Variants in IQSEC3 observed in about 807,000 individuals in gnomAD.
IQSEC3 encodes the protein IQ motif and SEC7 domain-containing protein 3.
IQSEC3 carries 50 observed loss-of-function variants against 105.4 expected under a neutral mutation model. The ratio of observed to expected loss-of-function variants is 0.47; its 90% CI spans 0.38 to 0.60. The LOEUF is 0.60. Among genes scored for constraint, IQSEC3 ranks in the 20% least tolerant of loss-of-function variants. The pLI, the probability that IQSEC3 is intolerant of heterozygous loss-of-function variation, is 0.00. For missense variants in IQSEC3, 1,415 were observed against 1,630.0 expected, an observed-to-expected ratio of 0.87 and a Z score of 2.27; for synonymous variants, 708 against 746.0, an observed-to-expected ratio of 0.95 and a Z score of 0.83.
intron 1 of IQSEC3, among the ~76,000 whole-genome samples, chr12:67,704 G>C (rs1309952077): frequency 7.1e-6 from 1 of 141,468 alleles, no homozygotes; most frequent in East Asian, 1.9e-4. Context: ...TAAGCGATTG[G>C]TGATACTGGG....
At chr12:74,708 CT>C (rs1407089080) in intron 1 of IQSEC3, among the ~76,000 whole-genome samples, 3 of 152,262 alleles carry the variant, frequency 2.0e-5, no homozygotes, top group African/African-American at 7.2e-5. Context: ...GGGCTAGAGG[CT>C]TTTAGGAGCT....
At chr12:89,618 T>A (rs1864020224) in intron 1 of IQSEC3, among the ~76,000 whole-genome samples, 1 of 142,032 alleles carries the variant, frequency 7.0e-6, no homozygotes, top group Admixed American at 7.1e-5. Flanking sequence ...CATCCCTTCC[T>A]TCCTGCATTG....
chr12:78,923 T>C (rs532761036), intron 1 of IQSEC3, among the ~76,000 whole-genome samples: 22 of 152,102 alleles, frequency 1.4e-4, no homozygotes, highest in Non-Finnish European at 3.1e-4. Context: ...CCCCCCACCC[T>C]GACCCCGGCA....
chr12:138,720 G>C lies in IQSEC3; in HGVS notation c.1357G>C (p.Gly453Arg). ...AAGPPGLEAE[G>R]RAPESAGPGP... ...GGGGCCCCCAGGCCTGGAGGCCGAG[G>C]GGCGGGCGCCGGAGAGCGCGGGCCC... is the stretch of plus-strand genomic sequence containing the variant. Residue 453 changes from glycine (G) to arginine (R), a missense_variant, in exon 4 of 14, where the codon GGG (glycine) becomes CGG (arginine). Transcript: ENST00000538872. The surrounding 1 kb of genome is among the most constrained non-coding windows in gnomAD (Gnocchi z 7.1). 6.7e-7 allele frequency: 1 copy of C among 1,501,952 alleles called. No homozygotes were observed. Among genetic ancestry groups the C allele is most frequent in the Non-Finnish European group, 8.8e-7 (1 of 1,131,394 alleles). The allele number at this position is 1,501,952 out of a possible 1,614,324, so 93.0% of individuals were successfully genotyped here.
intron 2 of IQSEC3, among the ~76,000 whole-genome samples, chr12:111,082 G>A (rs999746981): frequency 2.6e-5 from 4 of 152,202 alleles, no homozygotes; most frequent in Non-Finnish European, 4.4e-5. Flanking sequence ...GGGGGCAAGC[G>A]TGTTAGGGGA....
chr12:76,811 G>A lies in IQSEC3; in HGVS notation c.554+9375G>A, dbSNP rs7974000. On this transcript the variant is annotated intron_variant, in intron 1 of 13. Coordinates refer to ENST00000538872, the MANE Select transcript of IQSEC3 (RefSeq NM_001170738.2). ...GGCCAGACACACACAAAGCTGTAGTGTGATTTTCCCTGCAGGATATCTCGG... is the reference window on the plus strand; with the variant it reads ...GGCCAGACACACACAAAGCTGTAGTATGATTTTCCCTGCAGGATATCTCGG... Among the ~76,000 whole-genome samples, 486 of 152,354 alleles carry A rather than the reference G, an allele frequency of 3.2e-3. 2 individuals carry two copies. The highest frequency in any genetic ancestry group is 0.011 in the African/African-American group (459 of 41,552).
chr12:157,493 G>A (rs1866733268), intron 6 of IQSEC3, 35 bp from the exon 7 acceptor site: 8 of 1,589,522 alleles, frequency 5.0e-6, no homozygotes, highest in Non-Finnish European at 6.0e-6. Flanking sequence ...GTGGGCGGGG[G>A]CTCAGCGTCC....
At chr12:73,502 T>C (rs1555068109) in intron 1 of IQSEC3, among the ~76,000 whole-genome samples, 1 of 152,166 alleles carries the variant, frequency 6.6e-6, no homozygotes, top group African/African-American at 2.4e-5. Context: ...GGTGAAACCC[T>C]GTCTCTACTA....
At chr12:122,937 G>T (rs988257493) in intron 2 of IQSEC3, among the ~76,000 whole-genome samples, 3 of 152,298 alleles carry the variant, frequency 2.0e-5, no homozygotes, top group Middle Eastern at 3.4e-3. Flanking sequence ...CAATCTGGAG[G>T]AAAGATGAGT....
intron 13 of IQSEC3, among the ~76,000 whole-genome samples, chr12:171,995 T>C (rs1206037515): frequency 6.6e-6 from 1 of 152,002 alleles, no homozygotes; most frequent in Non-Finnish European, 1.5e-5. Flanking sequence ...CCCACCCCTC[T>C]CCCACTGGGT....
chr12:67,382 T>C lies in IQSEC3; in HGVS notation c.500T>C (p.Leu167Pro), dbSNP rs1863139230. 6.3e-7 allele frequency: 1 copy of C among 1,597,728 alleles called. No homozygotes were observed. The highest frequency in any genetic ancestry group is 1.3e-5 in the African/African-American group (1 of 74,882). ...PSCCAAAGAL[L>P]QHKSPSALGK... ...TGCTGCGCTGCTGCCGGAGCCCTCC[T>C]TCAGCACAAATCCCCCTCCGCCCTC... Residue 167 changes from leucine to proline, a missense_variant, in exon 1 of 14, where the codon CTT (leucine) becomes CCT (proline). By Grantham distance (98) the Leu-to-Pro change is moderately conservative. Coordinates refer to ENST00000538872, the MANE Select transcript of IQSEC3 (RefSeq NM_001170738.2).
At chr12:125,972 G>A in intron 3 of IQSEC3, 60 bp downstream of exon 3, 2 of 1,483,686 alleles carry the variant, frequency 1.3e-6, no homozygotes, top group East Asian at 2.5e-5. Context: ...TTTGGGGGCT[G>A]TCGAGGGTAC....
chr12:119,614 T>G (rs1865155023), intron 2 of IQSEC3, among the ~76,000 whole-genome samples: 1 of 152,148 alleles, frequency 6.6e-6, no homozygotes, highest in Non-Finnish European at 1.5e-5. Flanking sequence ...TACCAGGTGA[T>G]GCACTTGGGA....
intron 9 of IQSEC3, chr12:165,172 A>G (rs932723831): frequency 2.1e-5 from 11 of 525,396 alleles, no homozygotes; most frequent in Non-Finnish European, 3.1e-5. Flanking sequence ...TAAGGCAAGG[A>G]CCACATCAGG....
At chr12:104,181 C>G (rs1864562450) in intron 2 of IQSEC3, among the ~76,000 whole-genome samples, 1 of 152,254 alleles carries the variant, frequency 6.6e-6, no homozygotes, top group East Asian at 1.9e-4. Flanking sequence ...TTCCCATTTA[C>G]AGATAAGGAA....
chr12:121,007 G>A (rs1555081787), intron 2 of IQSEC3, among the ~76,000 whole-genome samples: 1 of 152,232 alleles, frequency 6.6e-6, no homozygotes, highest in Non-Finnish European at 1.5e-5. Flanking sequence ...CACTCGGAAT[G>A]TTTCTGCAGC....
chr12:97,978 G>T (rs1343517497), intron 1 of IQSEC3, among the ~76,000 whole-genome samples: 2 of 152,160 alleles, frequency 1.3e-5, no homozygotes, highest in East Asian at 3.9e-4. Flanking sequence ...CCTTCCCCCA[G>T]CCATGGAGAT....
intron 2 of IQSEC3, among the ~76,000 whole-genome samples, chr12:110,114 AT>A (rs1472071941): frequency 6.6e-6 from 1 of 152,034 alleles, no homozygotes; most frequent in African/African-American, 2.4e-5. Flanking sequence ...CTGGCCCTCT[AT>A]GTTTGCCATT....
chr12:128,261 A>AC (rs1416608480), intron 3 of IQSEC3, among the ~76,000 whole-genome samples: 1 of 151,332 alleles, frequency 6.6e-6, no homozygotes. Context: ...TGTTTGCTTG[A>AC]CCCCCTCCTT....
Sources: gnomAD v4.1 joint callset for allele counts (sites outside exome capture counted in the v4.1 genomes callset) on GRCh38, gnomAD v4.1.1 for gene constraint, Gnocchi (gnomAD v3.1) non-coding constraint, MANE v1.5 for transcripts, NCBI Gene and HGNC (gene_info 2026-07-23, HGNC 2026-07-21) for gene names.